RASAL1: variants seen among roughly 807,000 people sequenced by gnomAD.
RASAL1 encodes the protein rasGAP-activating-like protein 1.
In RASAL1, 72 loss-of-function variants were observed where a neutral mutation model predicts 96.6. That is an observed-to-expected ratio of 0.75 (90% CI 0.62 to 0.91). The LOEUF (loss-of-function observed/expected upper bound fraction) is 0.91. RASAL1 is among the 40% of genes least tolerant of loss of function. RASAL1 has a pLI of 0.00. For missense variants in RASAL1, 1,016 were observed against 1,072.5 expected (o/e 0.95, Z 0.74); for synonymous variants, 405 against 430.4 (o/e 0.94, Z 0.73).
At chr12:113,123,420 T>C in intron 4 of RASAL1, among the ~76,000 whole-genome samples, 1 of 152,238 alleles carries the variant, frequency 6.6e-6, no homozygotes, top group East Asian at 1.9e-4. Flanking sequence ...CTTGAGGGTC[T>C]CAGCCTAATG....
chr12:113,134,666 A>G (rs1475085652), intron 1 of RASAL1, among the ~76,000 whole-genome samples: 1 of 152,126 alleles, frequency 6.6e-6, no homozygotes, highest in Non-Finnish European at 1.5e-5. Context: ...CCCGCCCCCC[A>G]TATTCTGCTG....
intron 1 of RASAL1, among the ~76,000 whole-genome samples, chr12:113,131,623 T>A (rs1951713515): frequency 6.6e-6 from 1 of 152,180 alleles, no homozygotes; most frequent in Admixed American, 6.5e-5. Context: ...CTGCACCCCC[T>A]TAAGTAGCTA....
At chr12:113,108,875 T>C (rs146662259) in intron 13 of RASAL1, among the ~76,000 whole-genome samples, 16,001 of 149,664 alleles carry the variant, frequency 0.11, 1,053 homozygotes, top group Middle Eastern at 0.19. Flanking sequence ...TGCTCTGTTG[T>C]TCAGGCTGGA....
Position 113,130,438 on chromosome 12 carries a change from A to G in RASAL1, c.122+447T>C, listed in dbSNP as rs753489571. On this transcript the variant is annotated intron_variant, in intron 2 of 20. Coordinates refer to ENST00000548055, the MANE Select transcript of RASAL1 (RefSeq NM_001301202.2). This position sits in a 1 kb window ranked among gnomAD's most constrained non-coding sequence, Gnocchi z 5.1. ...CACGAGGACATACACACGTGGTCAC[A>G]GGCACTCACACTAGCCCCGCAACAT... 5.3e-5 allele frequency among the ~76,000 whole-genome samples: 8 copies of G among 152,178 alleles called. No individual in the cohort carries two copies. The highest frequency in any genetic ancestry group is 7.4e-5 in the Non-Finnish European group (5 of 68,002).
chr12:113,114,843 ACTT>A lies in RASAL1; in HGVS notation c.1135_1137del (p.Lys379del), dbSNP rs756808008. On this transcript the variant is annotated inframe_deletion, in exon 12 of 21. Transcript: ENST00000548055. ...ATCTTGCAGGGATCCAGCTCCATGT[ACTT>A]CTTCTCCTCAAAGACACGGCTAATC... 2.5e-6 allele frequency: 4 copies of A among 1,613,968 alleles called. No individual in the cohort carries two copies. Among genetic ancestry groups the A allele is most frequent in the African/African-American group, 1.3e-5 (1 of 74,902 alleles).
chr12:113,132,856 C>G (rs1950013520), intron 1 of RASAL1, among the ~76,000 whole-genome samples: 1 of 152,152 alleles, frequency 6.6e-6, no homozygotes, highest in Non-Finnish European at 1.5e-5. Context: ...CATCTGAATC[C>G]CCTTCTGTGG....
intron 5 of RASAL1, among the ~76,000 whole-genome samples, chr12:113,120,686 G>A (rs1430866303): frequency 1.3e-5 from 2 of 152,192 alleles, no homozygotes; most frequent in African/African-American, 2.4e-5. Context: ...GCCATGACAA[G>A]TAGGCAAGAG....
At position 113,104,242 on chromosome 12, in the gene RASAL1, G is replaced by A. The variant is rs765848116; in HGVS notation, c.1887C>T (p.Gly629=). ...HIRAVERVDE[G]AFQLPHVMQV... ...GCATCACGTGGGGCAGTTGGAAGGC[G>A]CCCTCGTCTACGCGCTCCACGGCGC... The change falls in exon 17 of 21, where the codon GGC becomes GGT. Residue 629 remains glycine (G), a synonymous_variant. Transcript: ENST00000548055. 2.5e-6 allele frequency: 4 copies of A among 1,600,726 alleles called. No homozygotes were observed. The highest frequency in any genetic ancestry group is 3.4e-6 in the Non-Finnish European group (4 of 1,174,284).
At chr12:113,113,809 C>T (rs982724924) in intron 12 of RASAL1, among the ~76,000 whole-genome samples, 3 of 152,126 alleles carry the variant, frequency 2.0e-5, no homozygotes, top group Admixed American at 6.5e-5. Flanking sequence ...AAGGAGGAGC[C>T]CACGGAGGGG....
At chr12:113,111,281 A>G (rs1285494030) in intron 13 of RASAL1, among the ~76,000 whole-genome samples, 1 of 151,462 alleles carries the variant, frequency 6.6e-6, no homozygotes, top group Admixed American at 6.6e-5. Flanking sequence ...CTCTCTCTCT[A>G]TTTTACATCT....
At chr12:113,127,761 GC>G in intron 4 of RASAL1, 50 bp downstream of exon 4, 1 of 1,539,740 alleles carries the variant, frequency 6.5e-7, no homozygotes, top group Non-Finnish European at 8.9e-7. Flanking sequence ...CCCTGCAAAT[GC>G]CCACCCTGGG....
intron 4 of RASAL1, among the ~76,000 whole-genome samples, chr12:113,122,705 T>A (rs923912947): frequency 2.6e-5 from 4 of 152,234 alleles, no homozygotes; most frequent in African/African-American, 9.6e-5. Flanking sequence ...ACAGATTTTT[T>A]AAAATCCTGC....
intron 14 of RASAL1, 66 bp downstream of exon 14, chr12:113,108,019 T>C: frequency 6.5e-7 from 1 of 1,540,130 alleles, no homozygotes; most frequent in Non-Finnish European, 8.7e-7. Context: ...GCCTCCCAGC[T>C]CTGCTCCTAC....
rs765480190 is a variant in RASAL1 at position 113,115,836 on chromosome 12, A to G, written c.850-48T>C. Reference sequence around the variant, plus strand: ...GATGACCTCGGCCCCTGGGACCCCAAAGCAGATGGGCCTAGATAGGGCTCC... The same window carrying G: ...GATGACCTCGGCCCCTGGGACCCCAGAGCAGATGGGCCTAGATAGGGCTCC... On this transcript the variant is annotated intron_variant, in intron 9 of 20. Coordinates refer to ENST00000548055, the MANE Select transcript of RASAL1 (RefSeq NM_001301202.2). The surrounding 1 kb of genome is among the most constrained non-coding windows in gnomAD (Gnocchi z 4.1). 1.7e-5 allele frequency: 27 copies of G among 1,610,686 alleles called. No individual in the cohort carries two copies. Among genetic ancestry groups the G allele is most frequent in the Non-Finnish European group, 2.2e-5 (26 of 1,178,162 alleles).
chr12:113,103,062 C>A, intron 18 of RASAL1: 1 of 329,488 alleles, frequency 3.0e-6, no homozygotes, highest in Non-Finnish European at 6.1e-6. Flanking sequence ...CAGAGGCATC[C>A]ACTGGAATCT....
Position 113,130,850 on chromosome 12 carries a change from CCCTT to C in RASAL1, c.122+31_122+34del, listed in dbSNP as rs778529198. ...TCCCCAGGTCTAGAAAGAGACCCCT[CCCTT>C]CCTCCTCTCCCCCGTGTCGCCACCC... On this transcript the variant is annotated intron_variant, in intron 2 of 20. Coordinates refer to ENST00000548055, the MANE Select transcript of RASAL1 (RefSeq NM_001301202.2). This position sits in a 1 kb window ranked among gnomAD's most constrained non-coding sequence, Gnocchi z 5.1. 8 of 1,581,970 alleles carry C rather than the reference CCCTT, an allele frequency of 5.1e-6. No individual in the cohort carries two copies. The highest frequency in any genetic ancestry group is 3.4e-5 in the South Asian group (3 of 89,176).
rs1247430674 is a variant in RASAL1 at position 113,130,132 on chromosome 12, A to C, written c.122+753T>G. ...CCGTCTCCATAGGAACCAAGGCCTCAGCCACCCACCAGCCCACCCACCCCC... is the reference window on the plus strand; with the variant it reads ...CCGTCTCCATAGGAACCAAGGCCTCCGCCACCCACCAGCCCACCCACCCCC... On this transcript the variant is annotated intron_variant, in intron 2 of 20. Coordinates refer to ENST00000548055, the MANE Select transcript of RASAL1 (RefSeq NM_001301202.2). The surrounding 1 kb of genome is among the most constrained non-coding windows in gnomAD (Gnocchi z 5.1). Among the ~76,000 whole-genome samples the C allele has an allele frequency of 6.6e-6, 1 of 151,944 alleles. No individual in the cohort carries two copies. The highest frequency in any genetic ancestry group is 1.5e-5 in the Non-Finnish European group (1 of 67,968).
In RASAL1 at chr12:113,100,086, G is replaced by A. The variant is rs961216471; in HGVS notation, c.2279-18C>T. On this transcript the variant is annotated intron_variant, in intron 20 of 20. Coordinates refer to ENST00000548055, the MANE Select transcript of RASAL1 (RefSeq NM_001301202.2). ...ACAGGCCCCTAGGAGGGAGACAAGA[G>A]GCCACAGGGGCTCAGCCAGTCCAGG... The A allele has an allele frequency of 4.4e-6, 7 of 1,580,316 alleles. No homozygotes were observed. The highest frequency in any genetic ancestry group is 6.0e-6 in the Non-Finnish European group (7 of 1,160,420).
At chr12:113,103,189 A>T (rs1950513108) in intron 18 of RASAL1, 1 of 150,894 alleles carries the variant, frequency 6.6e-6, no homozygotes, top group South Asian at 2.0e-4. Flanking sequence ...ATATTATTTT[A>T]TATATATTTT....
Sources: allele counts gnomAD v4.1 joint callset (sites outside exome capture counted in the v4.1 genomes callset), GRCh38; gene constraint gnomAD v4.1.1; non-coding constraint Gnocchi (gnomAD v3.1); transcripts MANE v1.5; gene names NCBI Gene and HGNC (gene_info 2026-07-23, HGNC 2026-07-21).